Variants in PRRX1 observed in about 807,000 individuals in gnomAD.
The protein encoded by PRRX1 is paired related homeobox 1, also known as paired mesoderm homeobox protein 1.
A neutral mutation model predicts 24.0 loss-of-function variants in PRRX1; 8 were observed. The observed-to-expected ratio is 0.33, with a 90% CI of 0.20 to 0.60. PRRX1 has a LOEUF of 0.60. PRRX1 is among the 20% of genes least tolerant of loss of function. PRRX1 has a pLI of 0.82. For synonymous variants in PRRX1, 160 were observed against 131.7 expected, an observed-to-expected ratio of 1.22 and a Z score of -1.47; for missense variants, 281 against 322.4, an observed-to-expected ratio of 0.87 and a Z score of 0.98.
chr1:170,733,062 A>C (rs1655489186), intron 3 of PRRX1, among the ~76,000 whole-genome samples: 1 of 152,136 alleles, frequency 6.6e-6, no homozygotes, highest in Non-Finnish European at 1.5e-5. Flanking sequence ...TTTGTTTTTG[A>C]GATAGAAAGT....
chr1:170,708,906 C>T (rs972247462), intron 1 of PRRX1, among the ~76,000 whole-genome samples: 104 of 152,234 alleles, frequency 6.8e-4, no homozygotes, highest in African/African-American at 2.5e-3. Flanking sequence ...AGAAACTGAT[C>T]CCTGAAAGAG....
At position 170,737,912 on chromosome 1, in the gene PRRX1, T is replaced by C. The variant is rs1025252752; in HGVS notation, c.*1726T>C. 4.6e-6 allele frequency: 1 copy of C among 216,410 alleles called. No homozygotes were observed. Among genetic ancestry groups the C allele is most frequent in the Non-Finnish European group, 9.3e-6 (1 of 107,308 alleles). 13.4% of individuals were successfully genotyped at this position (216,410 alleles called of 1,614,324 possible). On this transcript the variant is annotated 3_prime_UTR_variant, in exon 4 of 4. Coordinates refer to ENST00000239461, the MANE Select transcript of PRRX1 (RefSeq NM_022716.4). ...TGTAGCCATGGGAGGAAAGGGACTA[T>C]AAAAGTGTACAATGTTAATGGAATG...
intron 1 of PRRX1, among the ~76,000 whole-genome samples, chr1:170,716,812 A>G (rs543314241): frequency 6.6e-6 from 1 of 152,314 alleles, no homozygotes; most frequent in East Asian, 1.9e-4. Flanking sequence ...CCTGTATTCA[A>G]CCAGAGCCAA....
At position 170,737,177 on chromosome 1, in the gene PRRX1, T is replaced by C. The variant is rs891069877; in HGVS notation, c.*991T>C. 2 of 163,172 alleles carry C rather than the reference T, an allele frequency of 1.2e-5. No homozygotes were observed. Among genetic ancestry groups the C allele is most frequent in the Non-Finnish European group, 1.3e-5 (1 of 75,552 alleles). 10.1% of individuals were successfully genotyped at this position (163,172 alleles called of 1,614,324 possible). On this transcript the variant is annotated 3_prime_UTR_variant, in exon 4 of 4. Transcript: ENST00000239461. ...TATTTATATATATATTTCATATATA[T>C]ATATAATATTGCAAGCTTAAGTTTG...
At position 170,737,769 on chromosome 1, in the gene PRRX1, T is replaced by C. The variant is rs185691611; in HGVS notation, c.*1583T>C. ...ACCAACTACATTACCATGCTGTGCC[T>C]CAGTTTACCCATTTGTAAAATGGGA... On this transcript the variant is annotated 3_prime_UTR_variant, in exon 4 of 4. Coordinates refer to ENST00000239461, the MANE Select transcript of PRRX1 (RefSeq NM_022716.4). 7.7e-5 allele frequency: 17 copies of C among 221,112 alleles called. No homozygotes were observed. The highest frequency in any genetic ancestry group is 3.6e-4 in the African/African-American group (16 of 44,720). 13.7% of individuals were successfully genotyped at this position (221,112 alleles called of 1,614,324 possible). A position where few individuals can be genotyped will look rare whatever the true frequency, so the allele number is the denominator to read the frequency against.
chr1:170,724,617 C>T (rs946841348), intron 2 of PRRX1, among the ~76,000 whole-genome samples: 10 of 152,242 alleles, frequency 6.6e-5, no homozygotes, highest in African/African-American at 1.9e-4. Flanking sequence ...TTTCTGAGTT[C>T]TCTATTCTGT....
At chr1:170,689,058 T>C (rs543135042) in intron 1 of PRRX1, among the ~76,000 whole-genome samples, 2 of 152,324 alleles carry the variant, frequency 1.3e-5, no homozygotes, top group Middle Eastern at 6.8e-3. Context: ...GAATTATTGA[T>C]CTGAAGTTGT....
intron 1 of PRRX1, among the ~76,000 whole-genome samples, chr1:170,686,865 A>G (rs766159362): frequency 7.8e-4 from 118 of 152,166 alleles, no homozygotes; most frequent in Non-Finnish European, 1.5e-3. Flanking sequence ...AATGTGGGAG[A>G]CAGAACTATA....
intron 1 of PRRX1, among the ~76,000 whole-genome samples, chr1:170,679,018 C>G (rs1219706163): frequency 6.6e-6 from 1 of 152,128 alleles, no homozygotes; most frequent in Non-Finnish European, 1.5e-5. Flanking sequence ...TGATCCAGAC[C>G]ACTTTCTCCC....
intron 2 of PRRX1, 53 bp downstream of exon 2, chr1:170,719,954 A>C (rs1655029005): frequency 6.3e-7 from 1 of 1,596,726 alleles, no homozygotes; most frequent in African/African-American, 1.3e-5. Flanking sequence ...TCAGAGGCAC[A>C]TCTCTGAAAA....
chr1:170,662,930 T>A (rs1162174942), upstream of PRRX1: 2 of 151,932 alleles, frequency 1.3e-5, no homozygotes, highest in Admixed American at 6.6e-5. Flanking sequence ...TGACTGTGAG[T>A]TTCAGTTTGT....
rs557358625 is a variant in PRRX1 at position 170,705,817 on chromosome 1, T to A, written c.242-13909T>A. Among the ~76,000 whole-genome samples, 752 of 152,170 alleles carry A rather than the reference T, an allele frequency of 4.9e-3. 10 individuals carry two copies. Among genetic ancestry groups the A allele is most frequent in the African/African-American group, 0.016 (673 of 41,532 alleles). On this transcript the variant is annotated intron_variant, in intron 1 of 3. Transcript: ENST00000239461. ...CATTGCAAGAAGTTGTTCCTTCTCA[T>A]GTGAGCAATTGAATCTGCTTCTAGT...
chr1:170,664,065 C>G (rs373809389), upstream of PRRX1: 8 of 753,350 alleles, frequency 1.1e-5, no homozygotes, highest in African/African-American at 1.5e-4. Flanking sequence ...TTTGGCCTTC[C>G]TCTCCTTCCC....
At chr1:170,691,137 T>C (rs924962788) in intron 1 of PRRX1, among the ~76,000 whole-genome samples, 1 of 152,164 alleles carries the variant, frequency 6.6e-6, no homozygotes, top group African/African-American at 2.4e-5. Context: ...TATTCACCAC[T>C]GTTTTTCCAG....
At chr1:170,704,812 T>A (rs1654504784) in intron 1 of PRRX1, among the ~76,000 whole-genome samples, 1 of 152,204 alleles carries the variant, frequency 6.6e-6, no homozygotes, top group African/African-American at 2.4e-5. Flanking sequence ...GTCTGGAGAA[T>A]AAATTTTTCT....
At chr1:170,732,077 A>G (rs1268613699) in intron 3 of PRRX1, among the ~76,000 whole-genome samples, 2 of 152,176 alleles carry the variant, frequency 1.3e-5, no homozygotes, top group Admixed American at 1.3e-4. Context: ...GGTTGTTGTT[A>G]AGCAGGCTTC....
In PRRX1 at chr1:170,664,401, C is replaced by G. The variant is rs774174102; in HGVS notation, c.183C>G (p.Gly61=). The part of the protein sequence containing the change: ...AQADENVGEA[G]RSLLESPGLT... ...CGGATGAGAACGTGGGCGAGGCTGG[C>G]CGGAGCCTGCTGGAGTCGCCGGGAC... Residue 61 remains glycine, a synonymous_variant, in exon 1 of 4, where the codon GGC becomes GGG. Coordinates refer to ENST00000239461, the MANE Select transcript of PRRX1 (RefSeq NM_022716.4). 3.1e-6 allele frequency: 5 copies of G among 1,612,302 alleles called. No individual in the cohort carries two copies. The African/African-American group carries it at 4.0e-5, about 13-fold the overall frequency.
At chr1:170,678,636 T>G (rs944071529) in intron 1 of PRRX1, among the ~76,000 whole-genome samples, 1 of 152,204 alleles carries the variant, frequency 6.6e-6, no homozygotes, top group African/African-American at 2.4e-5. Context: ...GATCTCTAAC[T>G]GGGGATGTAG....
At chr1:170,668,764 G>A (rs1328305204) in intron 1 of PRRX1, 2 of 152,104 alleles carry the variant, frequency 1.3e-5, no homozygotes, top group Non-Finnish European at 2.9e-5. Flanking sequence ...CAACAACCCT[G>A]GCGCCAGAAA....
Sources: gnomAD v4.1 joint callset for allele counts (sites outside exome capture counted in the v4.1 genomes callset) on GRCh38, gnomAD v4.1.1 for gene constraint, MANE v1.5 for transcripts, NCBI Gene and HGNC (gene_info 2026-07-23, HGNC 2026-07-21) for gene names.